TLE6: variants seen among roughly 807,000 people sequenced by gnomAD.
TLE6 encodes the protein TLE family member 6, subcortical maternal complex member.
TLE6 carries 72 observed loss-of-function variants against 77.1 expected under a neutral mutation model. The ratio of observed to expected loss-of-function variants is 0.93; its 90% CI spans 0.77 to 1.14. TLE6 has a LOEUF of 1.14. Ranked by LOEUF, TLE6 falls within the 50% of genes most tolerant of loss-of-function variation. The pLI is 0.00. For synonymous variants in TLE6, 366 were observed against 287.3 expected (o/e 1.27, Z -2.77); for missense variants, 843 against 747.6 (o/e 1.13, Z -1.49).
Position 2,987,969 on chromosome 19 carries a change from G to A in TLE6, c.697G>A (p.Val233Ile), listed in dbSNP as rs1350939392. 1 of 1,610,568 alleles carries A rather than the reference G, an allele frequency of 6.2e-7. No individual in the cohort carries two copies. Among genetic ancestry groups the A allele is most frequent in the Non-Finnish European group, 8.5e-7 (1 of 1,178,228 alleles). Residue 233 changes from valine (V) to isoleucine (I), a missense_variant, in exon 10 of 17, where the codon GTC becomes ATC. Transcript: ENST00000246112. ...AGACAGGAACACAAGTTGGGGTGTGGTCCAGGTGAGACCCAGGCCCGAGCT... is the reference window on the plus strand; with the variant it reads ...AGACAGGAACACAAGTTGGGGTGTGATCCAGGTGAGACCCAGGCCCGAGCT... ...SQDRNTSWGV[V>I]QEPPGRASRF...
rs1011770029 is a variant in TLE6, at chr19:2,989,171, C to G, written c.851C>G (p.Ala284Gly). 3 of 1,614,018 alleles carry G rather than the reference C, an allele frequency of 1.9e-6. No homozygotes were observed. Among genetic ancestry groups the G allele is most frequent in the Non-Finnish European group, 2.5e-6 (3 of 1,180,062 alleles). The change falls in exon 12 of 17, where the codon GCA becomes GGA. Residue 284 changes from alanine to glycine, a missense_variant. By Grantham distance (60) the Ala-to-Gly change is moderately conservative. Coordinates refer to ENST00000246112, the MANE Select transcript of TLE6 (RefSeq NM_001143986.2). ...AAACTGGAAAAGATGCGGATCTTGG[C>G]ACACGGGGAGCTCGTGCTCGCCACG... ...PCKLEKMRIL[A>G]HGELVLATAI... is the part of the protein sequence containing the mutation.
In TLE6 at chr19:2,987,156, G is replaced by A; in HGVS notation, c.459G>A (p.Trp153Ter). 1 of 1,614,070 alleles carries A rather than the reference G, an allele frequency of 6.2e-7. No homozygotes were observed. The highest frequency in any genetic ancestry group is 8.5e-7 in the Non-Finnish European group (1 of 1,180,028). ...AGCTGTTCTGGGACAAGGAGCCTTG[G>A]TTTTGGCACGACACTCTGACCGAGC... ...ETQLFWDKEP[W>*]FWHDTLTEQL... Residue 153 changes from tryptophan to a stop codon, truncating the protein, a stop_gained, in exon 7 of 17, where the codon TGG (tryptophan) becomes TGA (stop). Transcript: ENST00000246112. LOFTEE classifies it high-confidence loss of function.
Position 2,987,807 on chromosome 19 carries a change from G to T in TLE6, c.625+17G>T. The T allele has an allele frequency of 6.2e-7, 1 of 1,614,152 alleles. No individual in the cohort carries two copies. Among genetic ancestry groups the T allele is most frequent in the East Asian group, 2.2e-5 (1 of 44,876 alleles). Reference sequence around the variant, plus strand: ...ATGCCTCCAGTAATCCCAGCGGGCAGGGGCCGACCGACTCCAGGCGGGATG... The same window carrying T: ...ATGCCTCCAGTAATCCCAGCGGGCATGGGCCGACCGACTCCAGGCGGGATG... On this transcript the variant is annotated intron_variant, in intron 9 of 16. Transcript: ENST00000246112.
At chr19:2,992,809 G>C (rs1318005746) in intron 14 of TLE6, among the ~76,000 whole-genome samples, 1 of 2,684 alleles carries the variant, frequency 3.7e-4, no homozygotes, top group Non-Finnish European at 8.5e-4. Flanking sequence ...GGAGGCGGGT[G>C]GGGGGGGGGG....
chr19:2,984,523 A>T (rs1159274226), intron 5 of TLE6: 1 of 152,230 alleles, frequency 6.6e-6, no homozygotes. Flanking sequence ...GCTGGAGTGC[A>T]GTGGGAGGAT....
chr19:2,980,107 CT>C lies in TLE6; in HGVS notation c.60del (p.Ile22SerfsTer10). 2 of 1,550,428 alleles carry C rather than the reference CT, an allele frequency of 1.3e-6. No homozygotes were observed. Among genetic ancestry groups the C allele is most frequent in the South Asian group, 2.4e-5 (2 of 84,008 alleles). On this transcript the variant is annotated frameshift_variant, in exon 3 of 17. Coordinates refer to ENST00000246112, the MANE Select transcript of TLE6 (RefSeq NM_001143986.2). LOFTEE classifies it high-confidence loss of function. ...KGPPKSTSPCPGISNSESSPT... is the reference protein window; with the variant it reads ...KGPPKSTSPCXGISNSESSPT... Reference sequence around the variant, plus strand: ...TTGCTTTGACCTTTCCAGCCTTGTCCTGGGATCTCGAACTCTGAGAGCTCTC... The same window carrying C: ...TTGCTTTGACCTTTCCAGCCTTGTCCGGGATCTCGAACTCTGAGAGCTCTC...
chr19:2,987,595 A>G, intron 8 of TLE6, 129 bp from the exon 9 acceptor site: 1 of 1,193,240 alleles, frequency 8.4e-7, no homozygotes, highest in South Asian at 1.3e-5. Flanking sequence ...CTCTCTCTGC[A>G]ACTCTGCCTG....
At chr19:2,990,985 ACT>A (rs1450971394) in intron 13 of TLE6, among the ~76,000 whole-genome samples, 2 of 151,118 alleles carry the variant, frequency 1.3e-5, no homozygotes, top group African/African-American at 4.9e-5. Context: ...ACAGAGTGAG[ACT>A]CTGACTCAAA....
intron 5 of TLE6, chr19:2,983,924 C>T (rs2088851587): frequency 6.6e-6 from 1 of 152,412 alleles, no homozygotes; most frequent in African/African-American, 2.4e-5. Flanking sequence ...GGGGTGAGGG[C>T]TCCAGAGCAA....
At chr19:2,992,793 A>AAGGGG (rs1487334518) in intron 14 of TLE6, among the ~76,000 whole-genome samples, 1 of 19,758 alleles carries the variant, frequency 5.1e-5, no homozygotes, top group Admixed American at 8.2e-4. Context: ...AAAAAAAAAA[A>AAGGGG]GGGGGGGAGG....
At chr19:2,990,765 C>T (rs2089032713) in intron 13 of TLE6, among the ~76,000 whole-genome samples, 3 of 151,184 alleles carry the variant, frequency 2.0e-5, no homozygotes, top group African/African-American at 7.3e-5. Flanking sequence ...CTTTGGGAGG[C>T]CGAGGTGGGT....
Position 2,994,984 on chromosome 19 carries a change from G to C in TLE6, c.1699G>C (p.Val567Leu). 6.2e-7 allele frequency: 1 copy of C among 1,607,500 alleles called. No individual in the cohort carries two copies. The highest frequency in any genetic ancestry group is 1.1e-5 in the South Asian group (1 of 90,014). The change falls in exon 17 of 17, where the codon GTG becomes CTG. Residue 567 changes from valine (V) to leucine (L), a missense_variant. Physicochemically the swap from Val to Leu is conservative, Grantham distance 32. Coordinates refer to ENST00000246112, the MANE Select transcript of TLE6 (RefSeq NM_001143986.2). The stretch of plus-strand genomic sequence containing the variant: ...CACAGGCTCCGGGGAGCACGCCTCC[G>C]TGTACCAGATCACCTACTGAGGGGC... ...VVTGSGEHAS[V>L]YQITY
rs185878675 is a variant in TLE6 at position 2,994,928 on chromosome 19, G to A, written c.1643G>A (p.Cys548Tyr). 39 of 1,605,294 alleles carry A rather than the reference G, an allele frequency of 2.4e-5. No individual in the cohort carries two copies. The African/African-American group carries it at 4.8e-4, about 20-fold the overall frequency. The change falls in exon 17 of 17, where the codon TGT becomes TAT. Residue 548 changes from cysteine (C) to tyrosine (Y), a missense_variant. Coordinates refer to ENST00000246112, the MANE Select transcript of TLE6 (RefSeq NM_001143986.2). ...EVPEMSPVTC[C>Y]DVSSNNRLVV... ...CCTGAGATGTCTCCAGTCACGTGCT[G>A]TGACGTCTCTTCCAACAACCGCCTC...
chr19:2,994,159 A>G (rs1433418636), intron 16 of TLE6, 64 bp downstream of exon 16: 35 of 1,389,398 alleles, frequency 2.5e-5, no homozygotes, highest in Non-Finnish European at 3.5e-5. Context: ...TGGGCAACAC[A>G]GCAAGACCCT....
intron 16 of TLE6, among the ~76,000 whole-genome samples, chr19:2,994,578 C>G (rs1314767199): frequency 6.6e-6 from 1 of 151,988 alleles, no homozygotes. Flanking sequence ...CCACTGCACT[C>G]CAGCCTGGGT....
At position 2,978,258 on chromosome 19, in the gene TLE6, C is replaced by A. The variant is rs903343609; in HGVS notation, c.25C>A (p.Pro9Thr). Reference sequence around the variant, plus strand: ...GATGACCTCTAGGGACCAGCCCAGACCCAAGGGCCCCCCGAAAAGCACTTC... The same window carrying A: ...GATGACCTCTAGGGACCAGCCCAGAACCAAGGGCCCCCCGAAAAGCACTTC... Reference protein sequence around the residue: MTSRDQPRPKGPPKSTSPC... With the variant: MTSRDQPRTKGPPKSTSPC... Residue 9 changes from proline to threonine, a missense_variant, in exon 2 of 17, where the codon CCC becomes ACC. Pro to Thr is a conservative substitution (Grantham distance 38). Transcript: ENST00000246112. The A allele has an allele frequency of 6.4e-7, 1 of 1,551,392 alleles. No individual in the cohort carries two copies.
At chr19:2,982,228 A>G (rs2088812350) in intron 5 of TLE6, 39 bp downstream of exon 5, 6 of 1,549,994 alleles carry the variant, frequency 3.9e-6, no homozygotes, top group Non-Finnish European at 5.2e-6. Flanking sequence ...CTGTCCCTCC[A>G]TGAAAGGCAT....
chr19:2,981,965 T>C (rs758499650), intron 4 of TLE6, among the ~76,000 whole-genome samples, 183 bp from the exon 5 acceptor site: 1 of 151,502 alleles, frequency 6.6e-6, no homozygotes, highest in South Asian at 2.1e-4. Flanking sequence ...CAAGACTCTC[T>C]CTGAGGAAAA....
intron 8 of TLE6, 60 bp downstream of exon 8, chr19:2,987,432 C>T: frequency 3.1e-6 from 5 of 1,608,524 alleles, no homozygotes; most frequent in Non-Finnish European, 2.5e-6. Context: ...CGGTTGGGCT[C>T]CCCCAGGTCA....
Sources: gnomAD v4.1 joint callset for allele counts (sites outside exome capture counted in the v4.1 genomes callset) on GRCh38, gnomAD v4.1.1 for gene constraint, MANE v1.5 for transcripts, NCBI Gene and HGNC (gene_info 2026-07-23, HGNC 2026-07-21) for gene names.